Variants in FUT9 observed in about 807,000 individuals in gnomAD.
FUT9 encodes the protein 4-galactosyl-N-acetylglucosaminide 3-alpha-L-fucosyltransferase 9.
FUT9 carries 15 observed loss-of-function variants against 29.7 expected under a neutral mutation model. That is an observed-to-expected ratio of 0.51 (90% CI 0.34 to 0.78). The LOEUF (loss-of-function observed/expected upper bound fraction) is 0.78. FUT9 is among the 30% of genes least tolerant of loss of function. The probability of loss-of-function intolerance (pLI) is 0.01; values close to 1 mark genes in which losing one functional copy is unlikely to be tolerated. For synonymous variants in FUT9, 169 were observed against 153.7 expected (o/e 1.10, Z -0.74); for missense variants, 319 against 425.4 (o/e 0.75, Z 2.20).
At chr6:96,045,785 C>A (rs886424595) in intron 1 of FUT9, among the ~76,000 whole-genome samples, 2 of 152,198 alleles carry the variant, frequency 1.3e-5, no homozygotes, top group Non-Finnish European at 2.9e-5. Flanking sequence ...CACCATGCTG[C>A]AAGACTTCAG....
At chr6:96,095,041 C>T (rs1342510063) in intron 1 of FUT9, among the ~76,000 whole-genome samples, 2 of 152,074 alleles carry the variant, frequency 1.3e-5, no homozygotes, top group African/African-American at 2.4e-5. Flanking sequence ...CTTCTTTTGG[C>T]CTGGAACACC....
intron 2 of FUT9, among the ~76,000 whole-genome samples, chr6:96,118,140 G>T (rs983486170): frequency 1.3e-5 from 2 of 151,470 alleles, no homozygotes; most frequent in African/African-American, 4.9e-5. Flanking sequence ...GGGAGTTGGA[G>T]GTTGCAGTGA....
rs937006212 is a variant in FUT9 at position 96,213,255 on chromosome 6, T to A, written c.*9020T>A. ...TGAAGAGTTAGGACTTTACATGATTTCTCTTGCCTCATTCCCTCAAGAATG... is the reference window on the plus strand; with the variant it reads ...TGAAGAGTTAGGACTTTACATGATTACTCTTGCCTCATTCCCTCAAGAATG... On this transcript the variant is annotated 3_prime_UTR_variant, in exon 3 of 3. Coordinates refer to ENST00000302103, the MANE Select transcript of FUT9 (RefSeq NM_006581.4). 15 of 166,968 alleles carry A rather than the reference T, an allele frequency of 9.0e-5. No homozygotes were observed. The highest frequency in any genetic ancestry group is 3.4e-4 in the African/African-American group (14 of 41,568). 10.3% of individuals were successfully genotyped at this position (166,968 alleles called of 1,614,324 possible).
intron 1 of FUT9, among the ~76,000 whole-genome samples, chr6:96,043,147 G>T (rs1770495297): frequency 3.9e-5 from 6 of 152,148 alleles, no homozygotes; most frequent in Admixed American, 3.9e-4. Context: ...CGCCTCCCGG[G>T]TTCATGCCAT....
At chr6:96,025,968 A>G (rs975712799) in intron 1 of FUT9, among the ~76,000 whole-genome samples, 1 of 151,700 alleles carries the variant, frequency 6.6e-6, no homozygotes, top group Non-Finnish European at 1.5e-5. Context: ...TCCACAAGGC[A>G]ACATGAAGTA....
At chr6:96,050,159 T>C (rs1471495334) in intron 1 of FUT9, among the ~76,000 whole-genome samples, 1 of 152,000 alleles carries the variant, frequency 6.6e-6, no homozygotes, top group African/African-American at 2.4e-5. Flanking sequence ...TTAAAAGATA[T>C]AGTTATTAAG....
At chr6:96,040,903 A>G (rs1038009532) in intron 1 of FUT9, among the ~76,000 whole-genome samples, 1 of 151,964 alleles carries the variant, frequency 6.6e-6, no homozygotes, top group Admixed American at 6.6e-5. Context: ...TGTTTCTACT[A>G]TTGTTTAAAG....
chr6:96,149,259 C>T (rs1772633116), intron 2 of FUT9, among the ~76,000 whole-genome samples: 1 of 151,628 alleles, frequency 6.6e-6, no homozygotes, highest in Non-Finnish European at 1.5e-5. Flanking sequence ...AAATTTAATT[C>T]TTCTATCACC....
At position 96,177,757 on chromosome 6, in the gene FUT9, T is replaced by C. The variant is rs914890302; in HGVS notation, c.-8-25391T>C. On this transcript the variant is annotated intron_variant, in intron 2 of 2. Transcript: ENST00000302103. The stretch of plus-strand genomic sequence containing the variant: ...CTAAACATTTAGATATATTATCTCA[T>C]TTAATTCTCAAAACAATCCTATAAG... 2.6e-5 allele frequency among the ~76,000 whole-genome samples: 4 copies of C among 152,164 alleles called. No individual in the cohort carries two copies. In the East Asian group the frequency reaches 5.8e-4, roughly 22 times the overall value.
intron 1 of FUT9, among the ~76,000 whole-genome samples, chr6:96,095,071 G>A (rs1356328287): frequency 1.3e-5 from 2 of 152,026 alleles, no homozygotes; most frequent in South Asian, 2.1e-4. Flanking sequence ...TTCGTGATAT[G>A]TGGTAAATTC....
chr6:96,203,117 A>G (rs1773757815), intron 2 of FUT9, 31 bp from the exon 3 acceptor site: 12 of 1,514,334 alleles, frequency 7.9e-6, no homozygotes, highest in Non-Finnish European at 1.1e-5. Flanking sequence ...TCCCACCGCT[A>G]CCTCCCCTTC....
At chr6:96,179,108 T>C (rs1471457663) in intron 2 of FUT9, among the ~76,000 whole-genome samples, 3 of 152,166 alleles carry the variant, frequency 2.0e-5, no homozygotes, top group Non-Finnish European at 4.4e-5. Flanking sequence ...GTTATTGGGA[T>C]CTTAGGTATA....
intron 1 of FUT9, among the ~76,000 whole-genome samples, chr6:96,019,308 C>G (rs1270998755): frequency 6.6e-6 from 1 of 151,930 alleles, no homozygotes; most frequent in Non-Finnish European, 1.5e-5. Context: ...TAACCACATA[C>G]AATATTTTTA....
At chr6:96,104,985 C>T (rs1418543840) in intron 1 of FUT9, among the ~76,000 whole-genome samples, 1 of 152,066 alleles carries the variant, frequency 6.6e-6, no homozygotes, top group Admixed American at 6.6e-5. Context: ...CTCGAGGCTT[C>T]GTATCAGGCA....
chr6:96,151,018 T>C lies in FUT9; in HGVS notation c.-9+36891T>C, dbSNP rs558593399. Among the ~76,000 whole-genome samples, 10 of 152,316 alleles carry C rather than the reference T, an allele frequency of 6.6e-5. No homozygotes were observed. In the East Asian group the frequency reaches 1.2e-3, roughly 18 times the overall value. On this transcript the variant is annotated intron_variant, in intron 2 of 2. Transcript: ENST00000302103. ...TCAACGTGGCTACGGCAAGGAAAAG[T>C]GTGATTCCACAATTTAGATTTGCAG...
intron 1 of FUT9, among the ~76,000 whole-genome samples, chr6:96,042,468 A>G (rs777061388): frequency 6.6e-6 from 1 of 152,218 alleles, no homozygotes; most frequent in Non-Finnish European, 1.5e-5. Context: ...TGTAACTACC[A>G]TTATATTACA....
At chr6:96,044,996 G>A (rs755668828) in intron 1 of FUT9, among the ~76,000 whole-genome samples, 3 of 152,078 alleles carry the variant, frequency 2.0e-5, no homozygotes, top group Non-Finnish European at 4.4e-5. Context: ...GCTAAAGTTC[G>A]ATAAAATATG....
chr6:96,173,174 A>T (rs1411610583), intron 2 of FUT9, among the ~76,000 whole-genome samples: 1 of 151,972 alleles, frequency 6.6e-6, no homozygotes, highest in African/African-American at 2.4e-5. Flanking sequence ...CAGATATTTG[A>T]GGTGCTGGCT....
At chr6:96,163,778 C>G (rs1224677177) in intron 2 of FUT9, among the ~76,000 whole-genome samples, 2 of 152,168 alleles carry the variant, frequency 1.3e-5, no homozygotes, top group African/African-American at 4.8e-5. Context: ...CCCTTTTCAG[C>G]CTCTTAAGTA....
Sources: allele counts gnomAD v4.1 joint callset (sites outside exome capture counted in the v4.1 genomes callset), GRCh38; gene constraint gnomAD v4.1.1; transcripts MANE v1.5; gene names NCBI Gene and HGNC (gene_info 2026-07-23, HGNC 2026-07-21).